Variants in PRMT3 observed in about 807,000 individuals in gnomAD.
The protein encoded by PRMT3 is protein arginine N-methyltransferase 3.
In PRMT3, 62 loss-of-function variants were observed where a neutral mutation model predicts 71.9. That is an observed-to-expected ratio of 0.86 (90% CI 0.70 to 1.07). The LOEUF (loss-of-function observed/expected upper bound fraction) is 1.07. PRMT3 is among the 50% of genes least tolerant of loss of function. PRMT3 has a pLI of 0.00. For synonymous variants in PRMT3, 213 were observed against 220.4 expected (o/e 0.97, Z 0.30); for missense variants, 663 against 643.0 (o/e 1.03, Z -0.34).
intron 8 of PRMT3, among the ~76,000 whole-genome samples, chr11:20,403,485 T>C (rs950243103): frequency 6.6e-6 from 1 of 152,210 alleles, no homozygotes; most frequent in Non-Finnish European, 1.5e-5. Context: ...CTTTGTATTT[T>C]ACAATTAATT....
intron 13 of PRMT3, among the ~76,000 whole-genome samples, chr11:20,465,660 A>G (rs910742460): frequency 6.6e-6 from 1 of 151,970 alleles, no homozygotes; most frequent in Non-Finnish European, 1.5e-5. Flanking sequence ...ATAATTTTTT[A>G]AAGTTTAAAT....
At chr11:20,402,196 C>T (rs375575940) in intron 7 of PRMT3, among the ~76,000 whole-genome samples, 1 of 151,936 alleles carries the variant, frequency 6.6e-6, no homozygotes, top group South Asian at 2.1e-4. Context: ...CTCAGCTCAC[C>T]GCAACCTCCG....
chr11:20,409,341 T>C (rs1460861094), intron 9 of PRMT3, among the ~76,000 whole-genome samples: 1 of 152,138 alleles, frequency 6.6e-6, no homozygotes, highest in African/African-American at 2.4e-5. Flanking sequence ...TGTTTCACTG[T>C]CAAATGAAAC....
chr11:20,471,156 TTCTGTAGGTTG>T (rs1850635817), intron 13 of PRMT3, among the ~76,000 whole-genome samples: 1 of 152,190 alleles, frequency 6.6e-6, no homozygotes, highest in Non-Finnish European at 1.5e-5. Context: ...AAATCTCCCA[TTCTGTAGGTTG>T]TCTGTTCATT....
At chr11:20,454,147 T>C (rs935634908) in intron 11 of PRMT3, among the ~76,000 whole-genome samples, 2 of 152,206 alleles carry the variant, frequency 1.3e-5, no homozygotes, top group African/African-American at 4.8e-5. Flanking sequence ...ACATATTAAA[T>C]GGCTAAACCA....
At chr11:20,494,934 C>T (rs939760369) in intron 15 of PRMT3, among the ~76,000 whole-genome samples, 1 of 152,106 alleles carries the variant, frequency 6.6e-6, no homozygotes, top group African/African-American at 2.4e-5. Context: ...CAATTTCATT[C>T]AGTAGTTATT....
intron 2 of PRMT3, 72 bp from the exon 3 acceptor site, chr11:20,389,672 T>A: frequency 9.9e-7 from 1 of 1,008,422 alleles, no homozygotes; most frequent in Non-Finnish European, 1.5e-6. Flanking sequence ...AAAAAAAGTG[T>A]ATATGTAACA....
At chr11:20,431,887 G>A (rs374946218) in intron 10 of PRMT3, among the ~76,000 whole-genome samples, 2 of 151,950 alleles carry the variant, frequency 1.3e-5, no homozygotes, top group East Asian at 1.9e-4. Flanking sequence ...TTCCCATTCC[G>A]CAGTACTGTT....
chr11:20,398,855 T>TGTTC (rs1848889625), intron 7 of PRMT3, among the ~76,000 whole-genome samples: 1 of 152,216 alleles, frequency 6.6e-6, no homozygotes, highest in South Asian at 2.1e-4. Flanking sequence ...TTCTCTATGA[T>TGTTC]GTTCACACAA....
At chr11:20,415,017 GGTGTGTGTGT>G (rs377570784) in intron 9 of PRMT3, among the ~76,000 whole-genome samples, 97 of 135,426 alleles carry the variant, frequency 7.2e-4, no homozygotes, top group African/African-American at 2.1e-3. Flanking sequence ...TGGTGGTAGT[GGTGTGTGTGT>G]GTGTGTGTGT....
chr11:20,496,517 C>T (rs1156559439), intron 15 of PRMT3, among the ~76,000 whole-genome samples: 3 of 150,928 alleles, frequency 2.0e-5, no homozygotes, highest in Admixed American at 6.6e-5. Flanking sequence ...AACATGTAAG[C>T]AACCATACAT....
At chr11:20,405,938 C>A (rs1036489677) in intron 8 of PRMT3, 1 of 152,222 alleles carries the variant, frequency 6.6e-6, no homozygotes, top group Non-Finnish European at 1.5e-5. Flanking sequence ...AAAACTGGAA[C>A]TGTTCTCATT....
intron 8 of PRMT3, among the ~76,000 whole-genome samples, chr11:20,403,572 T>G (rs1848997029): frequency 6.6e-6 from 1 of 152,146 alleles, no homozygotes; most frequent in Admixed American, 6.5e-5. Context: ...GAAATTTGTG[T>G]TTTTTGGCTT....
At chr11:20,481,708 T>G (rs189029860) in intron 13 of PRMT3, among the ~76,000 whole-genome samples, 1 of 152,274 alleles carries the variant, frequency 6.6e-6, no homozygotes, top group African/African-American at 2.4e-5. Context: ...AAAGGGATTC[T>G]GTCTAGTTCT....
chr11:20,472,264 C>T (rs546632013), intron 13 of PRMT3, among the ~76,000 whole-genome samples: 27 of 152,292 alleles, frequency 1.8e-4, no homozygotes, highest in African/African-American at 6.3e-4. Flanking sequence ...GAGAGGGCAT[C>T]CTTGTCTTGT....
intron 15 of PRMT3, among the ~76,000 whole-genome samples, chr11:20,504,302 C>A (rs1174536509): frequency 6.6e-6 from 1 of 152,110 alleles, no homozygotes; most frequent in Non-Finnish European, 1.5e-5. Flanking sequence ...AATTAATTGA[C>A]CATATGCATA....
chr11:20,454,849 C>T (rs1850232903), intron 11 of PRMT3, among the ~76,000 whole-genome samples: 1 of 152,034 alleles, frequency 6.6e-6, no homozygotes, highest in African/African-American at 2.4e-5. Context: ...ATTTATGTCT[C>T]ACCATACATA....
At chr11:20,431,745 G>T (rs1243594933) in intron 10 of PRMT3, among the ~76,000 whole-genome samples, 1 of 151,916 alleles carries the variant, frequency 6.6e-6, no homozygotes. Context: ...GGTATTCTTG[G>T]TATTTTTCTT....
chr11:20,469,397 G>A (rs1224799154), intron 13 of PRMT3, among the ~76,000 whole-genome samples: 1 of 152,250 alleles, frequency 6.6e-6, no homozygotes, highest in Non-Finnish European at 1.5e-5. Flanking sequence ...CTACTTAAAG[G>A]TATAGAAAGG....
Sources: gnomAD v4.1 joint callset for allele counts (sites outside exome capture counted in the v4.1 genomes callset) on GRCh38, gnomAD v4.1.1 for gene constraint, MANE v1.5 for transcripts, NCBI Gene and HGNC (gene_info 2026-07-23, HGNC 2026-07-21) for gene names.